Variants in HMCN2 observed in about 807,000 individuals in gnomAD.
HMCN2 encodes the protein hemicentin 2.
Under a neutral mutation model 377.5 loss-of-function variants are expected in HMCN2, and 325 were observed. That is an observed-to-expected ratio of 0.86 (90% CI 0.79 to 0.94). HMCN2 has a LOEUF of 0.94. Among genes scored for constraint, HMCN2 ranks in the 40% least tolerant of loss-of-function variants. HMCN2 has a pLI of 0.00. For missense variants in HMCN2, 4,543 were observed against 4,725.3 expected, an observed-to-expected ratio of 0.96 and a Z score of 1.13; for synonymous variants, 2,007 against 2,046.8, an observed-to-expected ratio of 0.98 and a Z score of 0.53.
At position 130,393,461 on chromosome 9, in the gene HMCN2, A is replaced by G. The variant is rs965216075; in HGVS notation, c.10234+152A>G. On this transcript the variant is annotated intron_variant, in intron 67 of 97. Transcript: ENST00000683500. The surrounding 1 kb of genome is among the most constrained non-coding windows in gnomAD (Gnocchi z 5.2). ...TGCGGCTCAGTCTCTGACTCACTGT[A>G]TTGCTCGTTTGTACCTCACAAGTGG... Among the ~76,000 whole-genome samples, 5 of 152,148 alleles carry G rather than the reference A, an allele frequency of 3.3e-5. No homozygotes were observed. Among genetic ancestry groups the G allele is most frequent in the African/African-American group, 1.2e-4 (5 of 41,440 alleles).
At chr9:130,375,044 A>AC (rs1248507001) in intron 49 of HMCN2, among the ~76,000 whole-genome samples, 1 of 152,136 alleles carries the variant, frequency 6.6e-6, no homozygotes, top group Non-Finnish European at 1.5e-5. Flanking sequence ...GACAATACAT[A>AC]CCTACTATTC....
intron 56 of HMCN2, among the ~76,000 whole-genome samples, chr9:130,383,116 A>G (rs895898573): frequency 1.3e-5 from 2 of 152,176 alleles, no homozygotes; most frequent in East Asian, 3.9e-4. Context: ...AGCACCGCAC[A>G]CAGCAGCCTT....
chr9:130,427,466 G>A (rs1272467528), intron 91 of HMCN2, 31 bp from the exon 92 acceptor site: 1 of 1,550,314 alleles, frequency 6.5e-7, no homozygotes, highest in Non-Finnish European at 8.7e-7. Context: ...GGGCCTGGGA[G>A]CGGAGACCAC....
At position 130,432,606 on chromosome 9, in the gene HMCN2, C is replaced by T. The variant is rs1025002085; in HGVS notation, c.14894+51C>T. The T allele has an allele frequency of 5.2e-6, 8 of 1,528,224 alleles. No individual in the cohort carries two copies. In the African/African-American group the frequency reaches 5.5e-5, roughly 10 times the overall value. The allele number at this position is 1,528,224 out of a possible 1,614,324, so 94.7% of individuals were successfully genotyped here. A position where few individuals can be genotyped will look rare whatever the true frequency, so the allele number is the denominator to read the frequency against. ...GTGCCCTCAGGAAAAGCACATTTTT[C>T]AGTCACTGGGGGTGCAGGCTGGCCC... On this transcript the variant is annotated intron_variant, in intron 97 of 97. Coordinates refer to ENST00000683500, the MANE Select transcript of HMCN2 (RefSeq NM_001291815.2).
chr9:130,363,658 C>G (rs547589868), intron 40 of HMCN2, among the ~76,000 whole-genome samples: 1 of 151,898 alleles, frequency 6.6e-6, no homozygotes, highest in East Asian at 1.9e-4. Flanking sequence ...CCCGTCTCTA[C>G]TAAAAATACA....
At chr9:130,358,117 C>G in intron 35 of HMCN2, 129 bp downstream of exon 35, 6 of 835,232 alleles carry the variant, frequency 7.2e-6, no homozygotes, top group Non-Finnish European at 9.8e-6. Flanking sequence ...GCCCTCTCAG[C>G]CTGAAAGGGT....
intron 26 of HMCN2, 197 bp from the exon 27 acceptor site, chr9:130,348,347 TG>T: frequency 1.4e-6 from 1 of 712,986 alleles, no homozygotes; most frequent in Non-Finnish European, 1.7e-6. Flanking sequence ...TGGGCACGAC[TG>T]GGGGTGTGTG....
In HMCN2 at chr9:130,403,063, T is replaced by C. The variant is rs143648335; in HGVS notation, c.11879-131T>C. ...AAAAGAATCAGCCATGGCGTCCTTG[T>C]TGCTGTGGCCGATGTTTCTAGAACC... On this transcript the variant is annotated intron_variant, in intron 78 of 97. Coordinates refer to ENST00000683500, the MANE Select transcript of HMCN2 (RefSeq NM_001291815.2). The C allele has an allele frequency of 5.4e-3, 5,717 of 1,064,660 alleles. 31 individuals carry two copies. Among genetic ancestry groups the C allele is most frequent in the Non-Finnish European group, 6.2e-3 (5,079 of 818,292 alleles). The allele number at this position is 1,064,660 out of a possible 1,614,324, so 66.0% of individuals were successfully genotyped here.
intron 15 of HMCN2, among the ~76,000 whole-genome samples, chr9:130,314,611 TC>T (rs878947836): frequency 4.1e-3 from 625 of 152,256 alleles, no homozygotes; most frequent in African/African-American, 0.014. Context: ...TGGAGACCCC[TC>T]CCCGGGGTCC....
rs1380166530 is a variant in HMCN2, at chr9:130,358,415, AG to A, written c.5609del (p.Gly1870AlafsTer20). ...LQIEKVDLRD[E>X]GIYTCAATNL... ...ATTGAGAAGGTGGACCTGAGGGACG[AG>A]GGCATCTACACTTGTGCTGCTACCA... On this transcript the variant is annotated frameshift_variant, in exon 36 of 98. Transcript: ENST00000683500. LOFTEE classifies it high-confidence loss of function. The A allele has an allele frequency of 3.1e-6, 4 of 1,303,954 alleles. No homozygotes were observed. Among genetic ancestry groups the A allele is most frequent in the Non-Finnish European group, 4.0e-6 (4 of 988,882 alleles). 80.8% of individuals were successfully genotyped at this position (1,303,954 alleles called of 1,614,324 possible).
intron 53 of HMCN2, among the ~76,000 whole-genome samples, chr9:130,378,656 AC>A (rs889065909): frequency 1.3e-5 from 2 of 152,014 alleles, no homozygotes; most frequent in African/African-American, 2.4e-5. Flanking sequence ...AGTGTTCAGA[AC>A]CAGGTTTTGC....
chr9:130,333,726 G>T (rs1358396593), intron 22 of HMCN2, among the ~76,000 whole-genome samples: 1 of 152,144 alleles, frequency 6.6e-6, no homozygotes, highest in African/African-American at 2.4e-5. Context: ...ACCTCCCACT[G>T]AGCTTCTGGG....
At chr9:130,323,828 G>C (rs1229835907) in intron 19 of HMCN2, among the ~76,000 whole-genome samples, 3 of 152,026 alleles carry the variant, frequency 2.0e-5, no homozygotes, top group Non-Finnish European at 2.9e-5. Flanking sequence ...TCAGCCTCCT[G>C]AGTAGCTGGG....
rs769138930 is a variant in HMCN2, at chr9:130,425,747, C to T, written c.13702C>T (p.Arg4568Cys). The stretch of plus-strand genomic sequence containing the variant: ...CCAGCTGTTCGTGGGCTCCACACAG[C>T]GCTTCTTCCAGGGCGGCCTCCCCTC... Reference protein sequence around the residue: ...PGQLFVGSTQRFFQGGLPSFL... With the variant: ...PGQLFVGSTQCFFQGGLPSFL... The change falls in exon 90 of 98, where the codon CGC (arginine) becomes TGC (cysteine). Residue 4568 changes from arginine (R) to cysteine (C), a missense_variant. Around this residue, in one of 5 missense-constraint regions of HMCN2, gnomAD observed 1,155 missense variants for 1,157.7 expected, o/e 1.00. Transcript: ENST00000683500. 16 of 1,550,368 alleles carry T rather than the reference C, an allele frequency of 1.0e-5. No homozygotes were observed. Among genetic ancestry groups the T allele is most frequent in the South Asian group, 4.8e-5 (4 of 84,058 alleles).
Position 130,284,674 on chromosome 9 carries a change from G to T in HMCN2, c.330+1G>T. On this transcript the variant is annotated splice_donor_variant, in intron 2 of 97. Coordinates refer to ENST00000683500, the MANE Select transcript of HMCN2 (RefSeq NM_001291815.2). LOFTEE classifies it high-confidence loss of function. ...GGAGCTGAGAGAACTCTACGTGCAG[G>T]TGGGCAGCCCCTGACCCTCTGTCCC... is the stretch of plus-strand genomic sequence containing the variant. 2.1e-6 allele frequency: 1 copy of T among 471,168 alleles called. No homozygotes were observed. Among genetic ancestry groups the T allele is most frequent in the South Asian group, 1.5e-5 (1 of 64,574 alleles). The allele number at this position is 471,168 out of a possible 1,614,324, so 29.2% of individuals were successfully genotyped here.
rs1259896795 is a variant in HMCN2, at chr9:130,360,585, G to A, written c.5931G>A (p.Arg1977=). The A allele has an allele frequency of 7.7e-7, 1 of 1,302,720 alleles. No individual in the cohort carries two copies. Among genetic ancestry groups the A allele is most frequent in the Admixed American group, 2.3e-5 (1 of 43,356 alleles). The allele number at this position is 1,302,720 out of a possible 1,614,324, so 80.7% of individuals were successfully genotyped here. A position where few individuals can be genotyped will look rare whatever the true frequency, so the allele number is the denominator to read the frequency against. The change falls in exon 38 of 98, where the codon CGG becomes CGA. Residue 1977 remains arginine, a synonymous_variant. Transcript: ENST00000683500. This position sits in a 1 kb window ranked among gnomAD's most constrained non-coding sequence, Gnocchi z 4.7. ...ATGTGGCAGGTAGCACAGAGCTGCG[G>A]TATGGCCTACGGGTCAATGGTGAGC... The part of the protein sequence containing the change: ...ASNVAGSTEL[R]YGLRVNVPPR...
chr9:130,405,375 T>A (rs1475731), intron 81 of HMCN2, among the ~76,000 whole-genome samples: 97,007 of 152,202 alleles, frequency 0.64, 33,447 homozygotes, highest in Non-Finnish European at 0.79. Context: ...AACCATGCGT[T>A]GGCATTAACC....
At chr9:130,412,567 C>T (rs376617598) in intron 85 of HMCN2, among the ~76,000 whole-genome samples, 31 of 134,522 alleles carry the variant, frequency 2.3e-4, no homozygotes, top group African/African-American at 3.8e-4. Context: ...CTTTCTTTCT[C>T]TTTTTTTTTT....
Position 130,394,598 on chromosome 9 carries a change from G to A in HMCN2, c.10692+23G>A. On this transcript the variant is annotated intron_variant, in intron 69 of 97. Transcript: ENST00000683500. This position sits in a 1 kb window ranked among gnomAD's most constrained non-coding sequence, Gnocchi z 5.1. ...CAGGTACCAGTGCCGCCGCCATGGG[G>A]CGAGGCTGGGGGTTGGGGGAGAGGG... is the stretch of plus-strand genomic sequence containing the variant. 2 of 1,267,510 alleles carry A rather than the reference G, an allele frequency of 1.6e-6. No individual in the cohort carries two copies. Among genetic ancestry groups the A allele is most frequent in the Middle Eastern group, 2.7e-4 (1 of 3,644 alleles). 78.5% of individuals were successfully genotyped at this position (1,267,510 alleles called of 1,614,324 possible). A position where few individuals can be genotyped will look rare whatever the true frequency, so the allele number is the denominator to read the frequency against.
Sources: allele counts gnomAD v4.1 joint callset (sites outside exome capture counted in the v4.1 genomes callset), GRCh38; gene constraint gnomAD v4.1.1; regional missense constraint gnomAD v4.1.1; non-coding constraint Gnocchi (gnomAD v3.1); transcripts MANE v1.5; gene names NCBI Gene and HGNC (gene_info 2026-07-23, HGNC 2026-07-21).